RASSF3: variants seen among roughly 807,000 people sequenced by gnomAD.
RASSF3 encodes Ras association domain family member 3, also known as ras association domain-containing protein 3.
Under a neutral mutation model 19.9 loss-of-function variants are expected in RASSF3, and 19 were observed. The ratio of observed to expected loss-of-function variants is 0.96; its 90% CI spans 0.67 to 1.40. The LOEUF is 1.40. RASSF3 is among the 40% of genes most tolerant of loss of function. RASSF3 has a pLI of 0.00. For synonymous variants in RASSF3, 110 were observed against 104.2 expected (o/e 1.06, Z -0.34); for missense variants, 306 against 289.8 (o/e 1.06, Z -0.41).
At chr12:64,581,721 T>A (rs184922241) in intron 2 of RASSF3, among the ~76,000 whole-genome samples, 58 of 152,122 alleles carry the variant, frequency 3.8e-4, no homozygotes, top group African/African-American at 1.2e-3. Flanking sequence ...AATGAAGACC[T>A]CATTGCCAAA....
chr12:64,568,577 A>G (rs1213927969), intron 2 of RASSF3, among the ~76,000 whole-genome samples: 2 of 151,940 alleles, frequency 1.3e-5, no homozygotes, highest in Non-Finnish European at 1.5e-5. Flanking sequence ...TCTGGATTCC[A>G]CCACAGCAGG....
intron 1 of RASSF3, among the ~76,000 whole-genome samples, chr12:64,523,175 G>T (rs1278566384): frequency 6.6e-6 from 1 of 152,148 alleles, no homozygotes; most frequent in Non-Finnish European, 1.5e-5. Context: ...GGAGACTGAG[G>T]CAGGCAGATC....
rs143404512 is a variant in RASSF3, at chr12:64,507,361, A to AAT, written c.169+33_169+34dup. On this transcript the variant is annotated intron_variant, in intron 1 of 5. Transcript: ENST00000637125. ...TACCTCAGGCTAATGCCTTATTTCA[A>AAT]ATCCGTTTTTTTGTGTGTGTGTGTT... 888 of 398,300 alleles carry AAT rather than the reference A, an allele frequency of 2.2e-3. 4 individuals carry two copies. Among genetic ancestry groups the AAT allele is most frequent in the African/African-American group, 0.017 (827 of 48,558 alleles). The allele number at this position is 398,300 out of a possible 1,614,324, so 24.7% of individuals were successfully genotyped here. A position where few individuals can be genotyped will look rare whatever the true frequency, so the allele number is the denominator to read the frequency against.
At chr12:64,661,812 G>T (rs576080194) in intron 1 of RASSF3, among the ~76,000 whole-genome samples, 155 of 149,664 alleles carry the variant, frequency 1.0e-3, no homozygotes, top group African/African-American at 3.7e-3. Context: ...CTCCTGAGTT[G>T]CTGGGATTAC....
chr12:64,587,640 G>A (rs912728094), intron 2 of RASSF3, among the ~76,000 whole-genome samples: 1 of 152,116 alleles, frequency 6.6e-6, no homozygotes. Flanking sequence ...TTTCACTTGC[G>A]AGGTCAGGGA....
At chr12:64,671,920 T>C (rs1207682493) in intron 1 of RASSF3, among the ~76,000 whole-genome samples, 1 of 152,234 alleles carries the variant, frequency 6.6e-6, no homozygotes, top group Non-Finnish European at 1.5e-5. Context: ...AAGAGCCATC[T>C]TGAGTGGCCT....
chr12:64,657,937 CATG>C (rs1014877041), intron 1 of RASSF3, among the ~76,000 whole-genome samples: 1 of 152,098 alleles, frequency 6.6e-6, no homozygotes, highest in Non-Finnish European at 1.5e-5. Flanking sequence ...ATTAGCCAGA[CATG>C]GTGGTGCAGG....
intron 1 of RASSF3, among the ~76,000 whole-genome samples, chr12:64,632,390 G>T (rs1047655672): frequency 1.4e-4 from 21 of 152,320 alleles, no homozygotes; most frequent in African/African-American, 5.1e-4. Flanking sequence ...AAAGTGGTCA[G>T]ACCTATGATT....
At chr12:64,674,846 G>A (rs533831294) in intron 1 of RASSF3, among the ~76,000 whole-genome samples, 1 of 152,258 alleles carries the variant, frequency 6.6e-6, no homozygotes, top group South Asian at 2.1e-4. Flanking sequence ...TACGTAGTGA[G>A]AGGTAAAGTT....
chr12:64,552,574 T>G (rs1195490207), intron 2 of RASSF3, among the ~76,000 whole-genome samples: 1 of 152,168 alleles, frequency 6.6e-6, no homozygotes. Context: ...CCCCTCCCTG[T>G]GTCCATGTGT....
At chr12:64,650,902 T>C (rs558715606) in intron 1 of RASSF3, among the ~76,000 whole-genome samples, 1 of 152,356 alleles carries the variant, frequency 6.6e-6, no homozygotes, top group East Asian at 1.9e-4. Context: ...AGTCACACTT[T>C]GCTATAAACT....
intron 2 of RASSF3, among the ~76,000 whole-genome samples, chr12:64,686,741 C>T (rs1873372004): frequency 6.6e-6 from 1 of 152,050 alleles, no homozygotes; most frequent in African/African-American, 2.4e-5. Flanking sequence ...GCAGGAGGAT[C>T]ACTTGAACTC....
intron 1 of RASSF3, among the ~76,000 whole-genome samples, chr12:64,617,996 T>G (rs1167846966): frequency 6.6e-6 from 1 of 152,226 alleles, no homozygotes; most frequent in Non-Finnish European, 1.5e-5. Context: ...TAGAAAATGT[T>G]TTTTAAATAA....
intron 1 of RASSF3, among the ~76,000 whole-genome samples, chr12:64,645,066 T>TA (rs1428531804): frequency 6.6e-6 from 1 of 152,042 alleles, no homozygotes; most frequent in East Asian, 1.9e-4. Context: ...TCTTATGGAT[T>TA]AAGGTGGGAA....
chr12:64,583,388 A>G (rs1271339415), intron 2 of RASSF3, among the ~76,000 whole-genome samples: 2 of 152,160 alleles, frequency 1.3e-5, no homozygotes, highest in Admixed American at 1.3e-4. Context: ...TTGGGAGGCC[A>G]ATGGGGGTGG....
At chr12:64,636,041 G>A (rs2136177482) in intron 1 of RASSF3, among the ~76,000 whole-genome samples, 1 of 152,072 alleles carries the variant, frequency 6.6e-6, no homozygotes, top group East Asian at 1.9e-4. Flanking sequence ...AATATGGGTG[G>A]AAATGATAAT....
rs1248377450 is a variant in RASSF3 at position 64,610,752 on chromosome 12, C to G, written c.111+9C>G. On this transcript the variant is annotated intron_variant, in intron 1 of 4. Coordinates refer to ENST00000542104, the MANE Select transcript of RASSF3 (RefSeq NM_178169.4). ...CCCGCTCCGGCCAACAAGTGAGTGGCGCGCGGCGGGCGCTGCAGCCCGCGC... is the reference window on the plus strand; with the variant it reads ...CCCGCTCCGGCCAACAAGTGAGTGGGGCGCGGCGGGCGCTGCAGCCCGCGC... The G allele has an allele frequency of 1.3e-6, 2 of 1,565,114 alleles. No individual in the cohort carries two copies. The highest frequency in any genetic ancestry group is 1.1e-5 in the South Asian group (1 of 87,840).
At chr12:64,522,835 G>A (rs886629206) in intron 1 of RASSF3, among the ~76,000 whole-genome samples, 2 of 152,122 alleles carry the variant, frequency 1.3e-5, no homozygotes, top group African/African-American at 4.8e-5. Context: ...CAAAACAAAT[G>A]TAGAACTAAT....
intron 2 of RASSF3, among the ~76,000 whole-genome samples, chr12:64,602,995 A>C (rs1870121404): frequency 6.6e-6 from 1 of 152,142 alleles, no homozygotes; most frequent in African/African-American, 2.4e-5. Flanking sequence ...GCTACTTGGG[A>C]AGCTGAGGCA....
Sources: allele counts gnomAD v4.1 joint callset (sites outside exome capture counted in the v4.1 genomes callset), GRCh38; gene constraint gnomAD v4.1.1; transcripts MANE v1.5; gene names NCBI Gene and HGNC (gene_info 2026-07-23, HGNC 2026-07-21).